Variants in UBTF observed in about 807,000 individuals in gnomAD.
UBTF encodes the protein nucleolar transcription factor 1.
UBTF carries 8 observed loss-of-function variants against 112.3 expected under a neutral mutation model. The ratio of observed to expected loss-of-function variants is 0.07; its 90% CI spans 0.04 to 0.13. The LOEUF (loss-of-function observed/expected upper bound fraction) is 0.13, where lower values mean the gene tolerates loss of function less well. Ranked by LOEUF, UBTF falls within the 10% of genes least tolerant of loss-of-function variation. UBTF has a pLI of 1.00. For synonymous variants in UBTF, 417 were observed against 373.1 expected (o/e 1.12, Z -1.36); for missense variants, 457 against 982.1 (o/e 0.47, Z 7.15).
upstream of UBTF, chr17:44,220,609 G>A (rs950058989): frequency 3.3e-5 from 5 of 152,290 alleles, no homozygotes; most frequent in Non-Finnish European, 7.3e-5. Context: ...CGGCGGAGGG[G>A]CCGCTGTGGG....
chr17:44,211,006 AC>A lies in UBTF; in HGVS notation c.1203+32del. 2.5e-6 allele frequency: 4 copies of A among 1,599,460 alleles called. No individual in the cohort carries two copies. Among genetic ancestry groups the A allele is most frequent in the Non-Finnish European group, 2.6e-6 (3 of 1,174,684 alleles). ...GCTGCCAGGGAGCCCAGTCTTGCCC[AC>A]CCCCGCCTGCGCGGCCGCACCCTCT... On this transcript the variant is annotated intron_variant, in intron 12 of 20. Transcript: ENST00000436088. The surrounding 1 kb of genome is among the most constrained non-coding windows in gnomAD (Gnocchi z 4.9).
chr17:44,210,279 G>T, intron 14 of UBTF, 39 bp downstream of exon 14: 3 of 1,614,268 alleles, frequency 1.9e-6, no homozygotes, highest in Non-Finnish European at 2.5e-6. Flanking sequence ...GTCACCCGGG[G>T]CTAGAGGCTG....
rs372164914 is a variant in UBTF, at chr17:44,209,548, G to C, written c.1716-7C>G. 47 of 1,611,686 alleles carry C rather than the reference G, an allele frequency of 2.9e-5. No homozygotes were observed. In the African/African-American group the frequency reaches 5.6e-4, roughly 19 times the overall value. ...GAACTTCTGGTAACCGTTCCTGGGA[G>C]GTGGGTTGGTAGAAGGAGGGTCAGG... On this transcript the variant is annotated splice_polypyrimidine_tract_variant and splice_region_variant and intron_variant, in intron 16 of 20. Transcript: ENST00000436088.
At chr17:44,212,680 C>G (rs1010063741) in intron 7 of UBTF, 139 bp downstream of exon 7, 8 of 1,454,892 alleles carry the variant, frequency 5.5e-6, no homozygotes, top group South Asian at 1.3e-5. Flanking sequence ...CCAGCTGGCC[C>G]GGGCCCTGTC....
rs2056255314 is a variant in UBTF, at chr17:44,206,585, A to G, written c.*657T>C. The G allele has an allele frequency of 6.7e-6, 1 of 149,370 alleles. No individual in the cohort carries two copies. Among genetic ancestry groups the G allele is most frequent in the Non-Finnish European group, 1.5e-5 (1 of 67,448 alleles). 9.3% of individuals were successfully genotyped at this position (149,370 alleles called of 1,614,324 possible). On this transcript the variant is annotated 3_prime_UTR_variant, in exon 21 of 21. Transcript: ENST00000436088. ...TCCCAGAAATGACAACAGAGACGGC[A>G]GCCGAGATCGGTAGGAAACGTCTCG...
upstream of UBTF, chr17:44,219,679 G>C (rs1259105850): frequency 6.6e-6 from 1 of 151,654 alleles, no homozygotes. Context: ...AAAGCACAAA[G>C]CACAGCGCCC....
At chr17:44,216,158 T>C (rs1466057288) in intron 3 of UBTF, 169 bp from the exon 4 acceptor site, 7 of 650,718 alleles carry the variant, frequency 1.1e-5, no homozygotes, top group South Asian at 3.7e-5. Context: ...ACCCAGGCAC[T>C]GGCCCATGCC....
At position 44,212,864 on chromosome 17, in the gene UBTF, C is replaced by T; in HGVS notation, c.615G>A (p.Leu205=). The part of the protein sequence containing the change: ...IPEKPKTPQQ[L]WYTHEKKVYL... ...ACACCTTCTTCTCGTGGGTGTACCA[C>T]AGCTGCTGGGGGGTTTTGGGCTTCT... The change falls in exon 7 of 21, where the codon CTG becomes CTA. Residue 205 remains leucine, a synonymous_variant. Transcript: ENST00000436088. 6.2e-7 allele frequency: 1 copy of T among 1,614,182 alleles called. No individual in the cohort carries two copies.
In UBTF at chr17:44,212,954, G is replaced by T; in HGVS notation, c.540-15C>A. 6.2e-7 allele frequency: 1 copy of T among 1,613,580 alleles called. No individual in the cohort carries two copies. The highest frequency in any genetic ancestry group is 8.5e-7 in the Non-Finnish European group (1 of 1,179,640). The stretch of plus-strand genomic sequence containing the variant: ...GGTGATCCTCCCTAGCCAGGACACG[G>T]GGAGCAAGGATCAGCAGGGGACGCT... On this transcript the variant is annotated splice_polypyrimidine_tract_variant and intron_variant, in intron 6 of 20. Coordinates refer to ENST00000436088, the MANE Select transcript of UBTF (RefSeq NM_014233.4).
At position 44,207,781 on chromosome 17, in the gene UBTF, G is replaced by C. The variant is rs189823625; in HGVS notation, c.1954-11C>G. 21 of 1,614,142 alleles carry C rather than the reference G, an allele frequency of 1.3e-5. No individual in the cohort carries two copies. The Admixed American group carries it at 2.8e-4, about 22-fold the overall frequency. On this transcript the variant is annotated splice_polypyrimidine_tract_variant and intron_variant, in intron 18 of 20. Transcript: ENST00000436088. ...CATGCTCTTACGTTTCTGCAGGATG[G>C]GGACACAAAGGTGGCAGCCATGAGT... is the stretch of plus-strand genomic sequence containing the variant.
At chr17:44,213,089 C>T in intron 6 of UBTF, 129 bp downstream of exon 6, 1 of 1,528,030 alleles carries the variant, frequency 6.5e-7, no homozygotes, top group South Asian at 1.2e-5. Flanking sequence ...GAGCATGACA[C>T]ACTAGGGCTC....
intron 7 of UBTF, 110 bp downstream of exon 7, chr17:44,212,709 G>T: frequency 1.3e-6 from 2 of 1,546,644 alleles, no homozygotes; most frequent in East Asian, 2.3e-5. Context: ...CCACCCCTGG[G>T]GAGGGGCCTC....
intron 17 of UBTF, chr17:44,208,795 G>T: frequency 4.0e-6 from 1 of 249,266 alleles, no homozygotes; most frequent in South Asian, 3.2e-5. Flanking sequence ...TCCCAGATGG[G>T]GGAGGAAAAG....
intron 3 of UBTF, chr17:44,216,282 C>T: frequency 1.6e-6 from 1 of 607,828 alleles, no homozygotes; most frequent in Non-Finnish European, 2.9e-6. Flanking sequence ...ATGCTAGCAC[C>T]TCCGTCAATC....
In UBTF at chr17:44,207,460, C is replaced by T; in HGVS notation, c.2163G>A (p.Gly721=). The change falls in exon 20 of 21, where the codon GGG becomes GGA. Residue 721 remains glycine, a synonymous_variant. Transcript: ENST00000436088. ...ESSSEDESED[G]DENEEDDEDE... Reference sequence around the variant, plus strand: ...TGTGCCCTGTCTGCCCCACCTCATCCCCATCCTCGCTCTCGTCCTCGCTGC... The same window carrying T: ...TGTGCCCTGTCTGCCCCACCTCATCTCCATCCTCGCTCTCGTCCTCGCTGC... The T allele has an allele frequency of 6.2e-7, 1 of 1,613,854 alleles. No individual in the cohort carries two copies. The highest frequency in any genetic ancestry group is 1.3e-5 in the African/African-American group (1 of 74,998).
At position 44,211,442 on chromosome 17, in the gene UBTF, G is replaced by A. The variant is rs2056671573; in HGVS notation, c.1048-111C>T. 19 of 1,570,224 alleles carry A rather than the reference G, an allele frequency of 1.2e-5. No individual in the cohort carries two copies. Among genetic ancestry groups the A allele is most frequent in the Non-Finnish European group, 1.6e-5 (18 of 1,146,108 alleles). On this transcript the variant is annotated intron_variant, in intron 10 of 20. Transcript: ENST00000436088. The surrounding 1 kb of genome is among the most constrained non-coding windows in gnomAD (Gnocchi z 4.9). ...GGCCTCCAGAGCCTGGGTGTGGGCT[G>A]GACTCCCTGCCTGGACGGGCTCAGT... is the stretch of plus-strand genomic sequence containing the variant.
rs74991131 is a variant in UBTF, at chr17:44,209,754, C to T, written c.1627-21G>A. The T allele has an allele frequency of 1.4e-3, 2,242 of 1,611,914 alleles. 28 individuals are homozygous for T. The African/African-American group carries it at 0.026, about 19-fold the overall frequency. ...TCTCTCTGGAGGGAGAAAGGTCACG[C>T]TCACCCCCCAGTCCCACCCCCAAAA... On this transcript the variant is annotated intron_variant, in intron 15 of 20. Transcript: ENST00000436088.
Position 44,216,511 on chromosome 17 carries a change from A to G in UBTF, c.234+18T>C. ...AGTGGGGGGTATGTGTGTATGTCAG[A>G]AAAGGGGGATCAGTTACCTCATTAG... On this transcript the variant is annotated intron_variant, in intron 3 of 20. Transcript: ENST00000436088. 1 of 1,613,654 alleles carries G rather than the reference A, an allele frequency of 6.2e-7. No individual in the cohort carries two copies. The highest frequency in any genetic ancestry group is 8.5e-7 in the Non-Finnish European group (1 of 1,179,536).
In UBTF at chr17:44,211,768, G is replaced by C. The variant is rs202247645; in HGVS notation, c.906-21C>G. On this transcript the variant is annotated intron_variant, in intron 9 of 20. Coordinates refer to ENST00000436088, the MANE Select transcript of UBTF (RefSeq NM_014233.4). The surrounding 1 kb of genome is among the most constrained non-coding windows in gnomAD (Gnocchi z 4.9). ...TGTTCCTATCAGAGCCGCGGGGAGA[G>C]AGGTGCAGCCCGTAAGCGAGCAGGG... The C allele has an allele frequency of 5.2e-4, 829 of 1,602,760 alleles. 11 individuals are homozygous for C. In the African/African-American group the frequency reaches 1.0e-2, roughly 19 times the overall value.
Sources: allele counts gnomAD v4.1 joint callset, GRCh38; gene constraint gnomAD v4.1.1; non-coding constraint Gnocchi (gnomAD v3.1); transcripts MANE v1.5; gene names NCBI Gene and HGNC (gene_info 2026-07-23, HGNC 2026-07-21).